Variants in TMC3 observed in about 807,000 individuals in gnomAD.
TMC3 encodes the protein transmembrane channel like 3, also known as transmembrane channel-like protein 3.
In TMC3, 98 loss-of-function variants were observed where a neutral mutation model predicts 110.6. The ratio of observed to expected loss-of-function variants is 0.89; its 90% CI spans 0.75 to 1.05. The LOEUF is 1.05. TMC3 is among the 50% of genes least tolerant of loss of function. TMC3 has a pLI of 0.00. For missense variants in TMC3, 1,319 were observed against 1,373.2 expected (o/e 0.96, Z 0.62); for synonymous variants, 489 against 513.1 (o/e 0.95, Z 0.63).
intron 1 of TMC3, 30 bp from the exon 2 acceptor site, chr15:81,372,767 C>A (rs1409436240): frequency 6.2e-7 from 1 of 1,610,236 alleles, no homozygotes; most frequent in Non-Finnish European, 8.5e-7. Context: ...AGGAGGAAAT[C>A]TGATTAGAAG....
rs945939402 is a variant in TMC3, at chr15:81,351,759, CA to C, written c.1017del (p.Phe339LeufsTer16). ...TCCAGCTTCTGGGACCGGTCCACCA[CA>C]AAGTAGATGAGATAAATGCTCCCAG... ...SLAGSIYLIYFVVDRSQKLEQ... is the reference protein window; with the variant it reads ...SLAGSIYLIYXVVDRSQKLEQ... On this transcript the variant is annotated frameshift_variant, in exon 10 of 22. Transcript: ENST00000359440. LOFTEE classifies it high-confidence loss of function. 3.8e-6 allele frequency: 6 copies of C among 1,598,598 alleles called. No individual in the cohort carries two copies. In the African/African-American group the frequency reaches 6.7e-5, roughly 18 times the overall value.
At chr15:81,337,753 G>A in intron 19 of TMC3, 93 bp downstream of exon 19, 2 of 1,099,690 alleles carry the variant, frequency 1.8e-6, no homozygotes, top group South Asian at 1.3e-5. Context: ...CAGAAACCTT[G>A]AAGATGTGAC....
intron 11 of TMC3, among the ~76,000 whole-genome samples, chr15:81,348,004 TTGGAAATTA>T (rs1445855781): frequency 6.6e-6 from 1 of 152,178 alleles, no homozygotes; most frequent in East Asian, 1.9e-4. Flanking sequence ...ATTTCAGGGG[TTGGAAATTA>T]TGGCCTTCAA....
Position 81,356,561 on chromosome 15 carries a change from A to G in TMC3, c.777T>C (p.Ser259=). 6.3e-7 allele frequency: 1 copy of G among 1,587,612 alleles called. No homozygotes were observed. The highest frequency in any genetic ancestry group is 8.6e-7 in the Non-Finnish European group (1 of 1,166,864). ...MAKNSRTSLA[S]ASNENYTFCW... ...AGAAGGTATAGTTTTCATTGGAAGCACTGGCAAGACTCGTGCGGGAGTTCT... is the reference window on the plus strand; with the variant it reads ...AGAAGGTATAGTTTTCATTGGAAGCGCTGGCAAGACTCGTGCGGGAGTTCT... Residue 259 remains serine, a synonymous_variant, in exon 8 of 22, where the codon AGT becomes AGC. Coordinates refer to ENST00000359440, the MANE Select transcript of TMC3 (RefSeq NM_001080532.3).
At chr15:81,370,086 C>T (rs190721918) in intron 2 of TMC3, among the ~76,000 whole-genome samples, 9 of 152,238 alleles carry the variant, frequency 5.9e-5, no homozygotes, top group East Asian at 3.9e-4. Flanking sequence ...CAGGGAGGGG[C>T]GGCCCAAACC....
At chr15:81,353,819 T>C (rs1356447965) in intron 9 of TMC3, among the ~76,000 whole-genome samples, 1 of 152,232 alleles carries the variant, frequency 6.6e-6, no homozygotes, top group Non-Finnish European at 1.5e-5. Flanking sequence ...TCTTTTCTCT[T>C]TAGAAGTAAG....
chr15:81,369,711 C>T (rs1894392947), intron 2 of TMC3, among the ~76,000 whole-genome samples: 1 of 151,868 alleles, frequency 6.6e-6, no homozygotes, highest in South Asian at 2.1e-4. Flanking sequence ...ATTACTTGAG[C>T]CCAGGAGTTC....
rs765848626 is a variant in TMC3 at position 81,362,278 on chromosome 15, G to A, written c.336C>T (p.Leu112=). Residue 112 remains leucine, a synonymous_variant, in exon 4 of 22, where the codon CTC becomes CTT. Transcript: ENST00000359440. ...GAELWRKFAR[L]ACNFVVIFIP... is the part of the protein sequence containing the mutation. ...TGAAGATGACCACAAAGTTACAGGCGAGACGAGCAAATTTCCGCCAGAGCT... is the reference window on the plus strand; with the variant it reads ...TGAAGATGACCACAAAGTTACAGGCAAGACGAGCAAATTTCCGCCAGAGCT... 1.1e-5 allele frequency: 18 copies of A among 1,612,316 alleles called. No homozygotes were observed. The highest frequency in any genetic ancestry group is 1.6e-4 in the Middle Eastern group (1 of 6,078).
intron 4 of TMC3, among the ~76,000 whole-genome samples, chr15:81,361,256 C>T (rs1459780865): frequency 6.6e-6 from 1 of 152,074 alleles, no homozygotes; most frequent in Non-Finnish European, 1.5e-5. Context: ...TGTCTCCATT[C>T]TGCATTCATA....
chr15:81,349,427 C>T, intron 11 of TMC3, 31 bp downstream of exon 11: 1 of 1,395,592 alleles, frequency 7.2e-7, no homozygotes, highest in East Asian at 2.7e-5. Context: ...GGGTGAGCCA[C>T]AGGTGGCATT....
chr15:81,351,773 T>G lies in TMC3; in HGVS notation c.1004A>C (p.Tyr335Ser), dbSNP rs773148204. The change falls in exon 10 of 22, where the codon TAT (tyrosine) becomes TCT (serine). Residue 335 changes from tyrosine (Y) to serine (S), a missense_variant. Coordinates refer to ENST00000359440, the MANE Select transcript of TMC3 (RefSeq NM_001080532.3). ...LVLLSLAGSI[Y>S]LIYFVVDRSQ... is the part of the protein sequence containing the mutation. Reference sequence around the variant, plus strand: ...CCGGTCCACCACAAAGTAGATGAGATAAATGCTCCCAGCCAGTGAGAGAAG... The same window carrying G: ...CCGGTCCACCACAAAGTAGATGAGAGAAATGCTCCCAGCCAGTGAGAGAAG... 3 of 1,605,900 alleles carry G rather than the reference T, an allele frequency of 1.9e-6. No homozygotes were observed. Among genetic ancestry groups the G allele is most frequent in the East Asian group, 2.2e-5 (1 of 44,502 alleles).
chr15:81,356,467 C>T lies in TMC3; in HGVS notation c.871G>A (p.Ala291Thr), dbSNP rs1223460524. Residue 291 changes from alanine (A) to threonine (T), a missense_variant, in exon 8 of 22, where the codon GCC becomes ACC. Ala to Thr is a moderately conservative substitution (Grantham distance 58). Coordinates refer to ENST00000359440, the MANE Select transcript of TMC3 (RefSeq NM_001080532.3). ...NPEAAESKTAAIVNSIREAIL... is the reference protein window; with the variant it reads ...NPEAAESKTATIVNSIREAIL... The stretch of plus-strand genomic sequence containing the variant: ...CTCACCCTGATGCTGTTCACTATGG[C>T]AGCTGTTTTGCTCTCTGCAGCCTCT... 1 of 1,568,104 alleles carries T rather than the reference C, an allele frequency of 6.4e-7. No homozygotes were observed. Among genetic ancestry groups the T allele is most frequent in the African/African-American group, 1.4e-5 (1 of 73,906 alleles).
rs1260128196 is a variant in TMC3 at position 81,331,320 on chromosome 15, A to C, written c.*1099T>G. 1.3e-5 allele frequency: 2 copies of C among 152,208 alleles called. No homozygotes were observed. The highest frequency in any genetic ancestry group is 4.8e-5 in the African/African-American group (2 of 41,440). 9.4% of individuals were successfully genotyped at this position (152,208 alleles called of 1,614,324 possible). ...CCCTGGGAAACCATGTTTCTGCATC[A>C]ACCTTGTAACTTTGCAGCTGCGCTA... On this transcript the variant is annotated 3_prime_UTR_variant, in exon 22 of 22. Coordinates refer to ENST00000359440, the MANE Select transcript of TMC3 (RefSeq NM_001080532.3).
Position 81,333,176 on chromosome 15 carries a change from T to A in TMC3, c.2546A>T (p.Asp849Val), listed in dbSNP as rs79678067. The A allele has an allele frequency of 1.9e-3, 3,114 of 1,614,024 alleles. 64 individuals carry two copies. The African/African-American group carries it at 0.037, about 19-fold the overall frequency. Residue 849 changes from aspartate to valine, a missense_variant, in exon 22 of 22, where the codon GAT (aspartate) becomes GTT (valine). By Grantham distance (152) the Asp-to-Val change is radical. Transcript: ENST00000359440. The stretch of plus-strand genomic sequence containing the variant: ...TCGGAAAAGAGGTTCTGAGTGTACA[T>A]CTTCGATGTGCGTTGTAAATGTCAT... Reference protein sequence around the residue: ...TPMTFTTHIEDVHSEPLFRKD... With the variant: ...TPMTFTTHIEVVHSEPLFRKD...
At chr15:81,363,497 G>A (rs80214078) in intron 3 of TMC3, among the ~76,000 whole-genome samples, 5,127 of 152,222 alleles carry the variant, frequency 0.034, 136 homozygotes, top group East Asian at 0.16. Flanking sequence ...ACATGGTCCC[G>A]GTACAGACAT....
chr15:81,367,146 C>T (rs1361479581), intron 3 of TMC3, among the ~76,000 whole-genome samples: 2 of 152,126 alleles, frequency 1.3e-5, no homozygotes, highest in Admixed American at 6.5e-5. Context: ...AGATGTTCTT[C>T]GTAGGGCTAT....
intron 11 of TMC3, 117 bp from the exon 12 acceptor site, chr15:81,346,560 C>G (rs1372614323): frequency 1.0e-6 from 1 of 985,314 alleles, no homozygotes; most frequent in Non-Finnish European, 1.6e-6. Context: ...GGCTGCCACA[C>G]TTGGTTTCCT....
chr15:81,372,698 G>C lies in TMC3; in HGVS notation c.129C>G (p.Asp43Glu), dbSNP rs199622639. 56 of 1,613,980 alleles carry C rather than the reference G, an allele frequency of 3.5e-5. No homozygotes were observed. The African/African-American group carries it at 6.8e-4, about 20-fold the overall frequency. Residue 43 changes from aspartate (D) to glutamate (E), a missense_variant, in exon 2 of 22, where the codon GAC becomes GAG. By Grantham distance (45) the Asp-to-Glu change is conservative. Coordinates refer to ENST00000359440, the MANE Select transcript of TMC3 (RefSeq NM_001080532.3). The stretch of plus-strand genomic sequence containing the variant: ...GGAAGATTTGTTCCGGATCATTGCT[G>C]TCCCCTGTTTCATCAGCACTAAAGC... ...DDSFSADETG[D>E]SNDPEQIFQN...
intron 4 of TMC3, 110 bp downstream of exon 4, chr15:81,362,110 G>T: frequency 1.1e-6 from 1 of 894,830 alleles, no homozygotes; most frequent in Non-Finnish European, 1.7e-6. Context: ...CTGCTATGAG[G>T]GTGCCCTCAG....
Sources: gnomAD v4.1 joint callset for allele counts (sites outside exome capture counted in the v4.1 genomes callset) on GRCh38, gnomAD v4.1.1 for gene constraint, MANE v1.5 for transcripts, NCBI Gene and HGNC (gene_info 2026-07-23, HGNC 2026-07-21) for gene names.